LRRC4C: variants seen among roughly 807,000 people sequenced by gnomAD.
LRRC4C encodes the protein leucine rich repeat containing 4C, also known as leucine-rich repeat-containing protein 4C.
A neutral mutation model predicts 33.6 loss-of-function variants in LRRC4C; 5 were observed. The ratio of observed to expected loss-of-function variants is 0.15; its 90% CI spans 0.08 to 0.31. The LOEUF (loss-of-function observed/expected upper bound fraction) is 0.31. Among genes scored for constraint, LRRC4C ranks in the 10% least tolerant of loss-of-function variants. The pLI, the probability that LRRC4C is intolerant of heterozygous loss-of-function variation, is 1.00. For missense variants in LRRC4C, 560 were observed against 796.7 expected (o/e 0.70, Z 3.58); for synonymous variants, 329 against 302.0 (o/e 1.09, Z -0.93).
chr11:40,429,752 T>C (rs189493987), intron 3 of LRRC4C, among the ~76,000 whole-genome samples: 9 of 152,310 alleles, frequency 5.9e-5, no homozygotes, highest in African/African-American at 2.2e-4. Context: ...AAAAAGTTTA[T>C]AGAAGAAATG....
At chr11:41,236,898 T>C (rs974427492) in intron 1 of LRRC4C, among the ~76,000 whole-genome samples, 1 of 152,194 alleles carries the variant, frequency 6.6e-6, no homozygotes, top group African/African-American at 2.4e-5. Context: ...AAAAGCTAAA[T>C]GTCCACAAAT....
intron 3 of LRRC4C, among the ~76,000 whole-genome samples, chr11:40,472,211 C>T (rs1203320840): frequency 6.6e-6 from 1 of 151,758 alleles, no homozygotes; most frequent in African/African-American, 2.4e-5. Context: ...ACCTGGGAGG[C>T]GGAGCTTGCA....
At chr11:41,367,082 A>T (rs998866455) in intron 1 of LRRC4C, among the ~76,000 whole-genome samples, 3 of 152,160 alleles carry the variant, frequency 2.0e-5, no homozygotes, top group African/African-American at 7.2e-5. Context: ...GCAGTGCTTT[A>T]TGACTAATCC....
chr11:40,356,745 A>G (rs1947688906), intron 3 of LRRC4C, among the ~76,000 whole-genome samples: 1 of 152,192 alleles, frequency 6.6e-6, no homozygotes, highest in Admixed American at 6.5e-5. Context: ...GAGTTAAATT[A>G]TTTATTACAT....
intron 5 of LRRC4C, among the ~76,000 whole-genome samples, chr11:40,230,205 A>G (rs1352906297): frequency 6.6e-6 from 1 of 152,236 alleles, no homozygotes; most frequent in Non-Finnish European, 1.5e-5. Context: ...ACAGATCAAT[A>G]GAATTTAAAT....
chr11:40,836,220 T>TAC (rs1218927279), intron 2 of LRRC4C, among the ~76,000 whole-genome samples: 1 of 152,138 alleles, frequency 6.6e-6, no homozygotes, highest in Non-Finnish European at 1.5e-5. Flanking sequence ...GACCTCCTGT[T>TAC]ACAGGAAGGT....
intron 2 of LRRC4C, among the ~76,000 whole-genome samples, chr11:40,805,905 C>G (rs1951224465): frequency 6.6e-6 from 1 of 152,060 alleles, no homozygotes; most frequent in South Asian, 2.1e-4. Flanking sequence ...AGAGCATGGT[C>G]CTAGGACTCA....
intron 4 of LRRC4C, among the ~76,000 whole-genome samples, chr11:40,253,164 G>A (rs1237025007): frequency 6.6e-6 from 1 of 152,064 alleles, no homozygotes; most frequent in Non-Finnish European, 1.5e-5. Context: ...CATTCACCTA[G>A]GTATATATAC....
At chr11:41,201,247 G>A (rs79581801) in intron 1 of LRRC4C, among the ~76,000 whole-genome samples, 8 of 152,244 alleles carry the variant, frequency 5.3e-5, no homozygotes, top group African/African-American at 1.9e-4. Context: ...TGCAGTGTAC[G>A]AGTCTCTATT....
At chr11:40,638,609 C>T (rs955535735) in intron 3 of LRRC4C, among the ~76,000 whole-genome samples, 7 of 152,022 alleles carry the variant, frequency 4.6e-5, no homozygotes, top group Non-Finnish European at 1.0e-4. Flanking sequence ...CTGTGGGATG[C>T]CATTTTCAAT....
intron 1 of LRRC4C, among the ~76,000 whole-genome samples, chr11:41,140,459 T>C (rs910772858): frequency 1.3e-5 from 2 of 152,206 alleles, no homozygotes; most frequent in South Asian, 2.1e-4. Flanking sequence ...TTAAGCAAAC[T>C]TTGGTTAAGA....
intron 2 of LRRC4C, among the ~76,000 whole-genome samples, chr11:40,663,673 C>T (rs1435993738): frequency 6.6e-6 from 1 of 152,108 alleles, no homozygotes; most frequent in African/African-American, 2.4e-5. Context: ...GCAAAAGGCT[C>T]TAACAGCAGA....
chr11:40,807,349 C>T (rs533495492), intron 2 of LRRC4C, among the ~76,000 whole-genome samples: 2 of 152,270 alleles, frequency 1.3e-5, no homozygotes, highest in South Asian at 2.1e-4. Context: ...TTATTGTCAT[C>T]CCCAGACCCT....
intron 2 of LRRC4C, among the ~76,000 whole-genome samples, chr11:40,908,806 A>G (rs1956539663): frequency 1.3e-5 from 2 of 152,204 alleles, no homozygotes; most frequent in Admixed American, 6.5e-5. Context: ...AGATTTTAAA[A>G]TGAGATTTAC....
intron 4 of LRRC4C, among the ~76,000 whole-genome samples, chr11:40,259,287 G>T (rs1347940661): frequency 6.6e-6 from 1 of 151,768 alleles, no homozygotes; most frequent in South Asian, 2.1e-4. Context: ...ATTTGTTTGA[G>T]TTCATTGTAG....
intron 3 of LRRC4C, among the ~76,000 whole-genome samples, chr11:40,547,998 G>A (rs1380523291): frequency 6.6e-6 from 1 of 152,072 alleles, no homozygotes; most frequent in Non-Finnish European, 1.5e-5. Context: ...AATGAGTCAG[G>A]CAATAAACAC....
chr11:40,351,629 A>G (rs1456036220), intron 3 of LRRC4C: 1 of 152,012 alleles, frequency 6.6e-6, no homozygotes, highest in Admixed American at 6.6e-5. Context: ...ATTCCTTGTT[A>G]TACTCTTCCC....
chr11:41,095,971 A>C (rs1370970157), intron 1 of LRRC4C, among the ~76,000 whole-genome samples: 2 of 152,172 alleles, frequency 1.3e-5, no homozygotes, highest in African/African-American at 4.8e-5. Context: ...ATAGTTATTC[A>C]CTCAACACTG....
intron 1 of LRRC4C, among the ~76,000 whole-genome samples, chr11:41,437,758 C>T (rs959162902): frequency 6.6e-6 from 1 of 152,182 alleles, no homozygotes; most frequent in Non-Finnish European, 1.5e-5. Context: ...ACAATATGGG[C>T]TGGGTGCCCT....
Sources: allele counts gnomAD v4.1 joint callset (sites outside exome capture counted in the v4.1 genomes callset), GRCh38; gene constraint gnomAD v4.1.1; transcripts MANE v1.5; gene names NCBI Gene and HGNC (gene_info 2026-07-23, HGNC 2026-07-21).